DYNC2H1: variants seen among roughly 807,000 people sequenced by gnomAD.
The protein encoded by DYNC2H1 is cytoplasmic dynein 2 heavy chain 1.
DYNC2H1 carries 410 observed loss-of-function variants against 570.0 expected under a neutral mutation model. That is an observed-to-expected ratio of 0.72 (90% CI 0.66 to 0.78). The LOEUF (loss-of-function observed/expected upper bound fraction) is 0.78. Among genes scored for constraint, DYNC2H1 ranks in the 30% least tolerant of loss-of-function variants. DYNC2H1 has a pLI of 0.00. For synonymous variants in DYNC2H1, 1,688 were observed against 1,677.6 expected, an observed-to-expected ratio of 1.01 and a Z score of -0.15; for missense variants, 4,865 against 5,046.4, an observed-to-expected ratio of 0.96 and a Z score of 1.09.
chr11:103,436,424 G>T (rs1293872536), intron 85 of DYNC2H1, among the ~76,000 whole-genome samples: 2 of 151,910 alleles, frequency 1.3e-5, no homozygotes. Flanking sequence ...AACCAGTCAG[G>T]TAACTTCAGG....
intron 20 of DYNC2H1, among the ~76,000 whole-genome samples, chr11:103,149,320 G>A (rs1225429085): frequency 6.6e-6 from 1 of 152,048 alleles, no homozygotes; most frequent in African/African-American, 2.4e-5. Flanking sequence ...TAAATACAAA[G>A]GAGAATGGTA....
rs766063673 is a variant in DYNC2H1 at position 103,116,731 on chromosome 11, GA to G, written c.766+19del. ...ACATCATAGGTACTAGTAAAAAAAT[GA>G]ACTTTTGGAATTTTGAAAACCTGTC... is the stretch of plus-strand genomic sequence containing the variant. On this transcript the variant is annotated intron_variant, in intron 5 of 88. Transcript: ENST00000375735. 2 of 1,559,392 alleles carry G rather than the reference GA, an allele frequency of 1.3e-6. No homozygotes were observed. The highest frequency in any genetic ancestry group is 2.8e-5 in the African/African-American group (2 of 72,680).
At chr11:103,213,565 T>G (rs911932531) in intron 54 of DYNC2H1, among the ~76,000 whole-genome samples, 1 of 152,054 alleles carries the variant, frequency 6.6e-6, no homozygotes, top group African/African-American at 2.4e-5. Context: ...TGTGTAATGA[T>G]CAAAGGGTGA....
intron 83 of DYNC2H1, among the ~76,000 whole-genome samples, chr11:103,384,662 T>G (rs1193828622): frequency 6.6e-6 from 1 of 152,142 alleles, no homozygotes; most frequent in Admixed American, 6.6e-5. Context: ...TTTGCATAAC[T>G]CCCAGACAGT....
Position 103,133,659 on chromosome 11 carries a change from C to A in DYNC2H1, c.2058C>A (p.Ala686=). Residue 686 remains alanine, a synonymous_variant, in exon 14 of 89, where the codon GCC becomes GCA. Coordinates refer to ENST00000375735, the MANE Select transcript of DYNC2H1 (RefSeq NM_001377.3). The surrounding 1 kb of genome is among the most constrained non-coding windows in gnomAD (Gnocchi z 4.8). ...TCCAAAATGCTGCTGAACGGCTTGC[C>A]ACTGAAAATAGAAAACTGAGAAAAT... The part of the protein sequence containing the change: ...QKLQNAAERL[A]TENRKLRKWH... The A allele has an allele frequency of 6.2e-7, 1 of 1,612,722 alleles. No homozygotes were observed. Among genetic ancestry groups the A allele is most frequent in the East Asian group, 2.2e-5 (1 of 44,784 alleles).
intron 84 of DYNC2H1, among the ~76,000 whole-genome samples, chr11:103,415,082 A>ATAAG (rs1222575886): frequency 1.3e-5 from 2 of 152,236 alleles, no homozygotes; most frequent in African/African-American, 4.8e-5. Flanking sequence ...TCCCTATTTA[A>ATAAG]TAAGTGGTGC....
In DYNC2H1 at chr11:103,298,223, A is replaced by T. The variant is rs981631130; in HGVS notation, c.11096-4870A>T. 2.0e-5 allele frequency among the ~76,000 whole-genome samples: 3 copies of T among 151,230 alleles called. No individual in the cohort carries two copies. In the East Asian group the frequency reaches 5.8e-4, roughly 29 times the overall value. Reference sequence around the variant, plus strand: ...TAATAGTCTTTTTCTTGTTTTTTTTACTGCTCTAAGTATGTTTCTGGAATA... The same window carrying T: ...TAATAGTCTTTTTCTTGTTTTTTTTTCTGCTCTAAGTATGTTTCTGGAATA... On this transcript the variant is annotated intron_variant, in intron 75 of 88. Transcript: ENST00000375735.
Position 103,117,684 on chromosome 11 carries a change from G to A in DYNC2H1, c.820G>A (p.Glu274Lys). The change falls in exon 6 of 89, where the codon GAA becomes AAA. Residue 274 changes from glutamate to lysine, a missense_variant. Around this residue, in one of 5 missense-constraint regions of DYNC2H1, gnomAD observed 1,936 missense variants for 1,962.1 expected, o/e 0.99. Transcript: ENST00000375735. Reference sequence around the variant, plus strand: ...AAAGTTGGGAACTTTGAACCTGTGGGAAGATCCTTATTATCTTGTGAAAGA... The same window carrying A: ...AAAGTTGGGAACTTTGAACCTGTGGAAAGATCCTTATTATCTTGTGAAAGA... ...QKKLGTLNLW[E>K]DPYYLVKESL... 3.1e-6 allele frequency: 5 copies of A among 1,611,504 alleles called. No individual in the cohort carries two copies. Among genetic ancestry groups the A allele is most frequent in the Non-Finnish European group, 4.2e-6 (5 of 1,178,372 alleles).
At chr11:103,347,260 CTT>C (rs1939789323) in intron 82 of DYNC2H1, among the ~76,000 whole-genome samples, 1 of 152,078 alleles carries the variant, frequency 6.6e-6, no homozygotes, top group South Asian at 2.1e-4. Flanking sequence ...ATTAATAAGA[CTT>C]ATAATACATA....
chr11:103,393,504 TTACTC>T (rs1272209703), intron 83 of DYNC2H1, among the ~76,000 whole-genome samples: 71 of 152,334 alleles, frequency 4.7e-4, no homozygotes, highest in African/African-American at 1.6e-3. Flanking sequence ...TTAAAATTAT[TTACTC>T]ATTTCATATG....
intron 85 of DYNC2H1, among the ~76,000 whole-genome samples, chr11:103,448,576 A>G (rs937768436): frequency 6.6e-6 from 1 of 152,222 alleles, no homozygotes; most frequent in African/African-American, 2.4e-5. Flanking sequence ...TATCCAGCCT[A>G]CAAGGGAACT....
chr11:103,178,236 A>G (rs959874597), intron 38 of DYNC2H1, among the ~76,000 whole-genome samples: 1 of 152,276 alleles, frequency 6.6e-6, no homozygotes, highest in South Asian at 2.1e-4. Context: ...TTTAAGTGGT[A>G]AAACTGCGGA....
intron 50 of DYNC2H1, among the ~76,000 whole-genome samples, chr11:103,202,675 A>G (rs1862771332): frequency 6.6e-6 from 1 of 152,156 alleles, no homozygotes; most frequent in South Asian, 2.1e-4. Flanking sequence ...AGTAGGGATC[A>G]GACTGTGATG....
At chr11:103,309,538 G>C (rs1867476072) in intron 78 of DYNC2H1, among the ~76,000 whole-genome samples, 1 of 149,296 alleles carries the variant, frequency 6.7e-6, no homozygotes, top group African/African-American at 2.5e-5. Flanking sequence ...TTCATCTGAA[G>C]GTGTTTGTTT....
At chr11:103,152,318 A>C in intron 21 of DYNC2H1, 33 bp downstream of exon 21, 1 of 1,539,724 alleles carries the variant, frequency 6.5e-7, no homozygotes, top group Non-Finnish European at 8.7e-7. Context: ...TTAAAATGGG[A>C]ACTTTTTTCT....
At chr11:103,153,772 T>A (rs899131657) in intron 22 of DYNC2H1, among the ~76,000 whole-genome samples, 1 of 151,992 alleles carries the variant, frequency 6.6e-6, no homozygotes, top group Non-Finnish European at 1.5e-5. Context: ...ACTGTCACTT[T>A]CTTTGAACTT....
At chr11:103,374,115 G>A (rs1003384164) in intron 83 of DYNC2H1, among the ~76,000 whole-genome samples, 2 of 152,050 alleles carry the variant, frequency 1.3e-5, no homozygotes, top group Admixed American at 1.3e-4. Context: ...TATCGATTCA[G>A]CCACACTATA....
Position 103,111,751 on chromosome 11 carries a change from G to A in DYNC2H1, c.196-1786G>A, listed in dbSNP as rs375893258. Among the ~76,000 whole-genome samples the A allele has an allele frequency of 2.0e-4, 30 of 152,128 alleles. No homozygotes were observed. The South Asian group carries it at 5.0e-3, about 25-fold the overall frequency. On this transcript the variant is annotated intron_variant, in intron 1 of 88. Transcript: ENST00000375735. ...CCCAACGATGTATCTGTTATTTTTA[G>A]TTGTACACTTCGCTACAGGTTTTTA... is the stretch of plus-strand genomic sequence containing the variant.
chr11:103,461,692 C>T lies in DYNC2H1; in HGVS notation c.12648+5336C>T, dbSNP rs1440429382. On this transcript the variant is annotated intron_variant, in intron 87 of 88. Coordinates refer to ENST00000375735, the MANE Select transcript of DYNC2H1 (RefSeq NM_001377.3). The surrounding 1 kb of genome is among the most constrained non-coding windows in gnomAD (Gnocchi z 4.8). ...GTAGCTCTGCATGGAACGGTCAATTCCCTAGAAAATGTAAACATCCTTTGG... is the reference window on the plus strand; with the variant it reads ...GTAGCTCTGCATGGAACGGTCAATTTCCTAGAAAATGTAAACATCCTTTGG... 6.6e-6 allele frequency among the ~76,000 whole-genome samples: 1 copy of T among 150,756 alleles called. No homozygotes were observed. The highest frequency in any genetic ancestry group is 2.4e-5 in the African/African-American group (1 of 40,866).
Sources: allele counts gnomAD v4.1 joint callset (sites outside exome capture counted in the v4.1 genomes callset), GRCh38; gene constraint gnomAD v4.1.1; regional missense constraint gnomAD v4.1.1; non-coding constraint Gnocchi (gnomAD v3.1); transcripts MANE v1.5; gene names NCBI Gene and HGNC (gene_info 2026-07-23, HGNC 2026-07-21).